Variants in CNTN5 observed in about 807,000 individuals in gnomAD.
CNTN5 encodes the protein contactin 5.
Under a neutral mutation model 129.1 loss-of-function variants are expected in CNTN5, and 77 were observed. The observed-to-expected ratio is 0.60, with a 90% confidence interval of 0.50 to 0.72. The LOEUF (loss-of-function observed/expected upper bound fraction) is 0.72, where lower values mean the gene tolerates loss of function less well. Among genes scored for constraint, CNTN5 ranks in the 30% least tolerant of loss-of-function variants. The probability of loss-of-function intolerance (pLI) is 0.00; values close to 1 mark genes in which losing one functional copy is unlikely to be tolerated. For synonymous variants in CNTN5, 509 were observed against 465.6 expected, an observed-to-expected ratio of 1.09 and a Z score of -1.20; for missense variants, 1,478 against 1,328.8, an observed-to-expected ratio of 1.11 and a Z score of -1.75.
intron 6 of CNTN5, among the ~76,000 whole-genome samples, chr11:99,869,507 G>A (rs1480418796): frequency 6.6e-6 from 1 of 152,088 alleles, no homozygotes; most frequent in Non-Finnish European, 1.5e-5. Context: ...TAGCAAACAT[G>A]CAAATGACCT....
chr11:100,070,135 G>T (rs963911860), intron 10 of CNTN5, among the ~76,000 whole-genome samples: 3 of 147,216 alleles, frequency 2.0e-5, no homozygotes, highest in Non-Finnish European at 4.4e-5. Context: ...TGGTTCAGGT[G>T]CCTTGGGGAT....
intron 7 of CNTN5, among the ~76,000 whole-genome samples, chr11:99,943,353 C>A (rs2136119811): frequency 6.6e-6 from 1 of 152,204 alleles, no homozygotes; most frequent in African/African-American, 2.4e-5. Flanking sequence ...AGTGTTTGTT[C>A]ATATCCCTTG....
chr11:100,052,477 T>G lies in CNTN5; in HGVS notation c.981-8735T>G, dbSNP rs141022028. On this transcript the variant is annotated intron_variant, in intron 9 of 24. Transcript: ENST00000524871. ...AGAATCTACAACAAAAACCCTAAAA[T>G]TAATATTTAGGGATAAACTAAACAA... Among the ~76,000 whole-genome samples the G allele has an allele frequency of 5.9e-3, 894 of 151,824 alleles. 6 individuals are homozygous for G. The highest frequency in any genetic ancestry group is 0.01 in the Non-Finnish European group (696 of 67,746).
intron 3 of CNTN5, among the ~76,000 whole-genome samples, chr11:99,800,661 A>T (rs1946086063): frequency 6.6e-6 from 1 of 152,004 alleles, no homozygotes; most frequent in Non-Finnish European, 1.5e-5. Flanking sequence ...GTTAAATTGA[A>T]CTTTTTATCA....
chr11:100,217,061 T>C (rs549980235), intron 15 of CNTN5, among the ~76,000 whole-genome samples: 20 of 152,328 alleles, frequency 1.3e-4, no homozygotes, highest in African/African-American at 4.6e-4. Flanking sequence ...TTATTTATCT[T>C]TCCACACTAA....
At chr11:99,684,162 G>T (rs1953684036) in intron 3 of CNTN5, among the ~76,000 whole-genome samples, 1 of 151,674 alleles carries the variant, frequency 6.6e-6, no homozygotes, top group South Asian at 2.1e-4. Flanking sequence ...TTTAGATTCT[G>T]CATGTAAATG....
chr11:99,929,504 T>C (rs1950142137), intron 7 of CNTN5, among the ~76,000 whole-genome samples: 1 of 152,166 alleles, frequency 6.6e-6, no homozygotes, highest in Admixed American at 6.5e-5. Context: ...AACGTTTAAT[T>C]GGTTGACAGT....
Position 100,299,165 on chromosome 11 carries a change from G to A in CNTN5, c.2389G>A (p.Val797Ile). 6.3e-7 allele frequency: 1 copy of A among 1,582,708 alleles called. No homozygotes were observed. Among genetic ancestry groups the A allele is most frequent in the Non-Finnish European group, 8.6e-7 (1 of 1,156,302 alleles). The change falls in exon 20 of 25, where the codon GTA becomes ATA. Residue 797 changes from valine to isoleucine, a missense_variant. Coordinates refer to ENST00000524871, the MANE Select transcript of CNTN5 (RefSeq NM_014361.4). ...TAATTATATTTTTCTTCTTTAGCCA[G>A]TATCTGAAGAGTTTCAGAATGGGGA... is the stretch of plus-strand genomic sequence containing the variant. ...RHELVIAWEPVSEEFQNGEGF... is the reference protein window; with the variant it reads ...RHELVIAWEPISEEFQNGEGF...
At chr11:99,108,812 A>G (rs376212770) in intron 1 of CNTN5, among the ~76,000 whole-genome samples, 15 of 152,222 alleles carry the variant, frequency 9.9e-5, no homozygotes, top group African/African-American at 3.6e-4. Context: ...AAGTTGTGAT[A>G]AGAAAATTCA....
intron 3 of CNTN5, among the ~76,000 whole-genome samples, chr11:99,685,925 C>G (rs567054303): frequency 6.6e-6 from 1 of 152,050 alleles, no homozygotes; most frequent in South Asian, 2.1e-4. Context: ...ATAATTACCT[C>G]TATTCCCACT....
chr11:100,063,625 A>C (rs753986388), intron 10 of CNTN5, among the ~76,000 whole-genome samples: 13 of 150,754 alleles, frequency 8.6e-5, no homozygotes, highest in Non-Finnish European at 1.5e-4. Context: ...TCACTTCTAA[A>C]AGTATCTTGG....
At chr11:100,336,692 G>A (rs534999304) in intron 21 of CNTN5, among the ~76,000 whole-genome samples, 5 of 152,280 alleles carry the variant, frequency 3.3e-5, no homozygotes, top group African/African-American at 1.2e-4. Flanking sequence ...ACCTTAGAAA[G>A]TGCATGTGAC....
chr11:99,755,850 A>T (rs1944389016), intron 3 of CNTN5, among the ~76,000 whole-genome samples: 1 of 152,114 alleles, frequency 6.6e-6, no homozygotes, highest in South Asian at 2.1e-4. Flanking sequence ...TTCAAGTGAC[A>T]TTTTAATATT....
intron 1 of CNTN5, among the ~76,000 whole-genome samples, chr11:99,266,109 T>A (rs545949924): frequency 6.6e-6 from 1 of 152,210 alleles, no homozygotes; most frequent in Non-Finnish European, 1.5e-5. Flanking sequence ...GTGTTTGATC[T>A]GTTTCTGGAT....
chr11:99,636,230 A>T (rs1004270700), intron 3 of CNTN5, among the ~76,000 whole-genome samples: 1 of 152,214 alleles, frequency 6.6e-6, no homozygotes, highest in African/African-American at 2.4e-5. Flanking sequence ...CATTTTCAGT[A>T]CTATAGTTAT....
chr11:99,059,454 C>A (rs936072927), intron 1 of CNTN5, among the ~76,000 whole-genome samples: 1 of 152,090 alleles, frequency 6.6e-6, no homozygotes, highest in Admixed American at 6.6e-5. Flanking sequence ...TTAAAAGTTT[C>A]TCAGAGCTAA....
chr11:99,237,333 T>G (rs1861323336), intron 1 of CNTN5, among the ~76,000 whole-genome samples: 1 of 152,144 alleles, frequency 6.6e-6, no homozygotes, highest in Non-Finnish European at 1.5e-5. Flanking sequence ...AAATAGAAGC[T>G]CTATCTCTAA....
chr11:99,958,065 T>C (rs12279108), intron 8 of CNTN5, among the ~76,000 whole-genome samples: 3,990 of 152,154 alleles, frequency 0.026, 168 homozygotes, highest in African/African-American at 0.09. Flanking sequence ...ATATTCATTT[T>C]AAAGAGAAGA....
chr11:99,220,924 T>C (rs1860368705), intron 1 of CNTN5, among the ~76,000 whole-genome samples: 1 of 151,628 alleles, frequency 6.6e-6, no homozygotes, highest in African/African-American at 2.4e-5. Flanking sequence ...GGTTGTCCAA[T>C]GCAGAAGCAG....
Sources: gnomAD v4.1 joint callset for allele counts (sites outside exome capture counted in the v4.1 genomes callset) on GRCh38, gnomAD v4.1.1 for gene constraint, MANE v1.5 for transcripts, NCBI Gene and HGNC (gene_info 2026-07-23, HGNC 2026-07-21) for gene names.